Variants in PTPRD observed in about 807,000 individuals in gnomAD.
PTPRD encodes protein tyrosine phosphatase receptor type D.
A neutral mutation model predicts 214.5 loss-of-function variants in PTPRD; 34 were observed. The ratio of observed to expected loss-of-function variants is 0.16; its 90% confidence interval spans 0.12 to 0.21. The LOEUF (loss-of-function observed/expected upper bound fraction) is 0.21. Ranked by LOEUF, PTPRD falls within the 10% of genes least tolerant of loss-of-function variation. The pLI, the probability that PTPRD is intolerant of heterozygous loss-of-function variation, is 1.00. For missense variants in PTPRD, 2,545 were observed against 2,398.7 expected, an observed-to-expected ratio of 1.06 and a Z score of -1.27; for synonymous variants, 1,128 against 845.7, an observed-to-expected ratio of 1.33 and a Z score of -5.79.
At chr9:9,494,416 T>C (rs535190396) in intron 8 of PTPRD, among the ~76,000 whole-genome samples, 5 of 152,190 alleles carry the variant, frequency 3.3e-5, no homozygotes, top group Admixed American at 1.3e-4. Flanking sequence ...ACATTCATTG[T>C]TGTTCTAAAG....
chr9:9,173,481 G>A (rs1207910909), intron 10 of PTPRD, among the ~76,000 whole-genome samples: 1 of 152,054 alleles, frequency 6.6e-6, no homozygotes, highest in Admixed American at 6.6e-5. Context: ...ATCATAGAGT[G>A]TCCTTACAAA....
intron 9 of PTPRD, among the ~76,000 whole-genome samples, chr9:9,241,944 G>A (rs1046891096): frequency 2.0e-5 from 3 of 152,028 alleles, no homozygotes; most frequent in Admixed American, 6.6e-5. Flanking sequence ...CAGCATCGAT[G>A]GTCTTTACAA....
At chr9:9,104,922 A>G (rs2099796394) in intron 10 of PTPRD, among the ~76,000 whole-genome samples, 1 of 152,216 alleles carries the variant, frequency 6.6e-6, no homozygotes, top group African/African-American at 2.4e-5. Context: ...AGTGTGAGAT[A>G]GGAAAAGATA....
At chr9:9,896,419 G>C (rs1458678449) in intron 5 of PTPRD, among the ~76,000 whole-genome samples, 1 of 151,944 alleles carries the variant, frequency 6.6e-6, no homozygotes, top group East Asian at 1.9e-4. Context: ...GTTTCAAGCA[G>C]CTGAAACTGG....
intron 9 of PTPRD, among the ~76,000 whole-genome samples, chr9:9,371,305 A>C (rs2059432577): frequency 6.6e-6 from 1 of 152,142 alleles, no homozygotes. Context: ...TTATTGGTCT[A>C]TTCAGAGATT....
chr9:9,140,225 A>G (rs1182482096), intron 10 of PTPRD, among the ~76,000 whole-genome samples: 2 of 152,022 alleles, frequency 1.3e-5, no homozygotes, highest in Non-Finnish European at 2.9e-5. Flanking sequence ...GAAAAAAAAG[A>G]AAAAGCCCTG....
rs572340396 is a variant in PTPRD, at chr9:9,986,206, G to A, written c.-472+47512C>T. On this transcript the variant is annotated intron_variant, in intron 4 of 45. Transcript: ENST00000381196. The stretch of plus-strand genomic sequence containing the variant: ...GTTCTGTAGAACGCTCCAGAATGCC[G>A]AAAGTTTTAAAATGTTGTATTTCTT... Among the ~76,000 whole-genome samples, 26 of 152,160 alleles carry A rather than the reference G, an allele frequency of 1.7e-4. No homozygotes were observed. The South Asian group carries it at 5.4e-3, about 32-fold the overall frequency.
At chr9:8,853,566 A>G (rs1480540077) in intron 11 of PTPRD, among the ~76,000 whole-genome samples, 1 of 152,204 alleles carries the variant, frequency 6.6e-6, no homozygotes, top group Non-Finnish European at 1.5e-5. Context: ...TTTGGTAGAA[A>G]TGTCACTGTG....
chr9:9,381,533 G>A (rs1422526392), intron 9 of PTPRD, among the ~76,000 whole-genome samples: 2 of 151,476 alleles, frequency 1.3e-5, no homozygotes, highest in African/African-American at 4.8e-5. Context: ...GCTAATTTTT[G>A]TATTTTTGTA....
chr9:8,574,530 C>G (rs991800329), intron 14 of PTPRD, among the ~76,000 whole-genome samples: 1 of 151,934 alleles, frequency 6.6e-6, no homozygotes, highest in African/African-American at 2.4e-5. Flanking sequence ...TGGAAAACAC[C>G]TAGGTGGTAT....
At chr9:9,909,279 T>C (rs928254699) in intron 5 of PTPRD, among the ~76,000 whole-genome samples, 2 of 151,786 alleles carry the variant, frequency 1.3e-5, no homozygotes, top group African/African-American at 4.8e-5. Context: ...AATAGCATGC[T>C]GATGAATGGG....
At chr9:9,927,724 G>C (rs1391242510) in intron 5 of PTPRD, among the ~76,000 whole-genome samples, 5 of 152,088 alleles carry the variant, frequency 3.3e-5, no homozygotes, top group Admixed American at 6.6e-5. Context: ...ATCTAATGCA[G>C]TGCAATGTTC....
chr9:9,923,121 G>GTTGT (rs1555340153), intron 5 of PTPRD, among the ~76,000 whole-genome samples: 122 of 45,350 alleles, frequency 2.7e-3, no homozygotes, highest in Non-Finnish European at 3.3e-3. Context: ...GTGTGTGTGG[G>GTTGT]GGGTGTGTGT....
chr9:8,787,619 TGAA>T (rs2096043323), intron 11 of PTPRD, among the ~76,000 whole-genome samples: 1 of 152,076 alleles, frequency 6.6e-6, no homozygotes, highest in Non-Finnish European at 1.5e-5. Context: ...TATCTAAAGT[TGAA>T]GAAGGTAGAG....
intron 3 of PTPRD, among the ~76,000 whole-genome samples, chr9:10,224,048 C>T (rs1043396435): frequency 5.3e-5 from 8 of 151,758 alleles, no homozygotes; most frequent in Admixed American, 1.3e-4. Flanking sequence ...AATAAAACAA[C>T]AATAAGTGAC....
chr9:8,972,661 C>T lies in PTPRD; in HGVS notation c.-104+46036G>A, dbSNP rs192487429. Reference sequence around the variant, plus strand: ...ATTTAATTCTTATAAAAACACTTCACGGATGCAAAGGATTTCCTTTTTCAG... The same window carrying T: ...ATTTAATTCTTATAAAAACACTTCATGGATGCAAAGGATTTCCTTTTTCAG... On this transcript the variant is annotated intron_variant, in intron 11 of 45. Transcript: ENST00000381196. 7.5e-3 allele frequency among the ~76,000 whole-genome samples: 1,134 copies of T among 151,976 alleles called. 7 individuals carry two copies. The highest frequency in any genetic ancestry group is 0.013 in the Non-Finnish European group (865 of 67,876).
chr9:8,905,314 T>G (rs1291602949), intron 11 of PTPRD, among the ~76,000 whole-genome samples: 2 of 152,108 alleles, frequency 1.3e-5, no homozygotes, highest in Non-Finnish European at 2.9e-5. Context: ...CTTGGCCTTC[T>G]TCCCGTAGGC....
At position 8,518,231 on chromosome 9, in the gene PTPRD, G is replaced by A. The variant is rs750058892; in HGVS notation, c.1160C>T (p.Ser387Leu). 7 of 1,614,030 alleles carry A rather than the reference G, an allele frequency of 4.3e-6. No individual in the cohort carries two copies. The highest frequency in any genetic ancestry group is 1.6e-4 in the Middle Eastern group (1 of 6,084). The stretch of plus-strand genomic sequence containing the variant: ...AGCAACAACCCTGAATTCATAATCC[G>A]AGTAGGGACTTAGTCCAGCGACACT... ...RYSVAGLSPY[S>L]DYEFRVVAVN... The change falls in exon 21 of 46, where the codon TCG (serine) becomes TTG (leucine). Residue 387 changes from serine (S) to leucine (L), a missense_variant. Physicochemically the swap from Ser to Leu is moderately radical, Grantham distance 145. Coordinates refer to ENST00000381196, the MANE Select transcript of PTPRD (RefSeq NM_002839.4).
chr9:9,507,908 T>C (rs896886326), intron 8 of PTPRD, among the ~76,000 whole-genome samples: 3 of 151,506 alleles, frequency 2.0e-5, no homozygotes, highest in African/African-American at 7.2e-5. Context: ...GGTAGCTCTG[T>C]ATTCAGAGAA....
Sources: gnomAD v4.1 joint callset for allele counts (sites outside exome capture counted in the v4.1 genomes callset) on GRCh38, gnomAD v4.1.1 for gene constraint, MANE v1.5 for transcripts, NCBI Gene and HGNC (gene_info 2026-07-23, HGNC 2026-07-21) for gene names.